The following KCNMA1 variants were observed in gnomAD, a reference collection of about 807,000 sequenced individuals.
KCNMA1 encodes the protein Calcium-activated potassium channel subunit alpha-1.
KCNMA1 carries 29 observed loss-of-function variants against 140.0 expected under a neutral mutation model. The ratio of observed to expected loss-of-function variants is 0.21; its 90% confidence interval spans 0.15 to 0.28. The LOEUF (loss-of-function observed/expected upper bound fraction) is 0.28, where lower values mean the gene tolerates loss of function less well. Among genes scored for constraint, KCNMA1 ranks in the 10% least tolerant of loss-of-function variants. The probability of loss-of-function intolerance (pLI) is 1.00; values close to 1 mark genes in which losing one functional copy is unlikely to be tolerated. For synonymous variants in KCNMA1, 612 were observed against 611.9 expected, an observed-to-expected ratio of 1.00 and a Z score of 0.00; for missense variants, 880 against 1,602.2, an observed-to-expected ratio of 0.55 and a Z score of 7.70.
At position 77,305,595 on chromosome 10, in the gene KCNMA1, G is replaced by A. The variant is rs145001291; in HGVS notation, c.541-54339C>T. On this transcript the variant is annotated intron_variant, in intron 2 of 27. Transcript: ENST00000286628. ...AGACCCACATAGTCACCTAGCTTAC[G>A]GAAAGGACAGGCCTGAAGACTAGGG... Among the ~76,000 whole-genome samples the A allele has an allele frequency of 3.5e-3, 529 of 152,228 alleles. 4 individuals carry two copies. The highest frequency in any genetic ancestry group is 0.012 in the African/African-American group (504 of 41,516).
chr10:77,635,388 C>A (rs1469755075), intron 1 of KCNMA1: 1 of 152,138 alleles, frequency 6.6e-6, no homozygotes, highest in Non-Finnish European at 1.5e-5. Flanking sequence ...TTGCCCCCTG[C>A]CTGAAAGAAA....
At chr10:77,451,311 G>C (rs71475659) in intron 1 of KCNMA1, among the ~76,000 whole-genome samples, 2 of 152,058 alleles carry the variant, frequency 1.3e-5, no homozygotes, top group African/African-American at 2.4e-5. Context: ...AAAGGCCATC[G>C]GGCAGATAAA....
chr10:77,233,372 A>G (rs1004931053), intron 3 of KCNMA1, among the ~76,000 whole-genome samples: 7 of 152,202 alleles, frequency 4.6e-5, no homozygotes, highest in African/African-American at 1.7e-4. Context: ...CTTGTGCAGT[A>G]CTCAGGGAGT....
chr10:76,959,258 T>C (rs1284596877), intron 20 of KCNMA1, among the ~76,000 whole-genome samples: 1 of 152,182 alleles, frequency 6.6e-6, no homozygotes. Context: ...ATTTGAGCAG[T>C]CTGACTTATA....
At chr10:77,174,701 G>A (rs2098737693) in intron 5 of KCNMA1, among the ~76,000 whole-genome samples, 1 of 152,202 alleles carries the variant, frequency 6.6e-6, no homozygotes, top group South Asian at 2.1e-4. Context: ...CAGAGCAGGA[G>A]AATCACTACA....
chr10:77,462,933 C>T (rs1164286788), intron 1 of KCNMA1, among the ~76,000 whole-genome samples: 1 of 152,144 alleles, frequency 6.6e-6, no homozygotes, highest in African/African-American at 2.4e-5. Context: ...GTTGCTGATC[C>T]ATGCCTCTGC....
chr10:77,182,168 G>A (rs1448260530), intron 5 of KCNMA1, among the ~76,000 whole-genome samples: 1 of 152,064 alleles, frequency 6.6e-6, no homozygotes, highest in East Asian at 1.9e-4. Context: ...TCCTCTTCCA[G>A]GAACCTGGAA....
At chr10:77,633,562 A>G (rs2093433917) in intron 1 of KCNMA1, among the ~76,000 whole-genome samples, 1 of 152,236 alleles carries the variant, frequency 6.6e-6, no homozygotes, top group Non-Finnish European at 1.5e-5. Context: ...CTGAAGCTCC[A>G]GCCCTGATTG....
chr10:77,415,698 C>A (rs1486965435), intron 1 of KCNMA1, among the ~76,000 whole-genome samples: 4 of 152,218 alleles, frequency 2.6e-5, no homozygotes, highest in Non-Finnish European at 4.4e-5. Flanking sequence ...ATCCAGCCCC[C>A]AAGGAGCCTC....
chr10:76,899,483 C>T (rs1439860473), intron 25 of KCNMA1, among the ~76,000 whole-genome samples: 1 of 152,160 alleles, frequency 6.6e-6, no homozygotes, highest in Non-Finnish European at 1.5e-5. Context: ...CCAAATCTTG[C>T]TCTGCCATCC....
intron 1 of KCNMA1, among the ~76,000 whole-genome samples, chr10:77,439,835 G>C (rs868584206): frequency 6.6e-6 from 1 of 150,966 alleles, no homozygotes; most frequent in African/African-American, 2.5e-5. Context: ...ACACCTCAAG[G>C]GGATACCATG....
chr10:76,905,852 A>T (rs182383525), intron 25 of KCNMA1, among the ~76,000 whole-genome samples: 1 of 152,358 alleles, frequency 6.6e-6, no homozygotes, highest in East Asian at 1.9e-4. Context: ...TCTTTTTTAC[A>T]ACTGAATCCG....
intron 2 of KCNMA1, among the ~76,000 whole-genome samples, chr10:77,288,582 T>C (rs182988159): frequency 1.3e-5 from 2 of 152,266 alleles, no homozygotes; most frequent in Admixed American, 1.3e-4. Flanking sequence ...ATTTTACCAG[T>C]GGGGTAACCA....
intron 1 of KCNMA1, among the ~76,000 whole-genome samples, chr10:77,413,636 C>T (rs925834095): frequency 2.0e-5 from 3 of 152,104 alleles, no homozygotes; most frequent in African/African-American, 7.2e-5. Flanking sequence ...CCAGGTCTTT[C>T]CTAGAGCTGG....
At chr10:76,903,353 C>T (rs2152237542) in intron 25 of KCNMA1, 1 of 152,330 alleles carries the variant, frequency 6.6e-6, no homozygotes, top group African/African-American at 2.4e-5. Context: ...TTTATAATTG[C>T]TCTAAAATTG....
chr10:77,123,973 C>A (rs2097681786), intron 5 of KCNMA1, among the ~76,000 whole-genome samples: 1 of 152,092 alleles, frequency 6.6e-6, no homozygotes, highest in South Asian at 2.1e-4. Flanking sequence ...CCAGATGGAA[C>A]CAAGCAGGAC....
chr10:76,900,978 T>C (rs149688174), intron 25 of KCNMA1, among the ~76,000 whole-genome samples: 1 of 151,908 alleles, frequency 6.6e-6, no homozygotes, highest in South Asian at 2.1e-4. Context: ...TAATTTTTAT[T>C]ACAGGATTAA....
At chr10:77,068,118 G>C (rs892642893) in intron 14 of KCNMA1, among the ~76,000 whole-genome samples, 15 of 152,162 alleles carry the variant, frequency 9.9e-5, no homozygotes, top group Admixed American at 7.2e-4. Context: ...CCGCATGCAG[G>C]TTGTTGAAAT....
At chr10:77,566,729 G>T (rs1186129142) in intron 1 of KCNMA1, among the ~76,000 whole-genome samples, 1 of 152,204 alleles carries the variant, frequency 6.6e-6, no homozygotes, top group Non-Finnish European at 1.5e-5. Context: ...TGTGTCCAGA[G>T]TTGTTCCGGG....
Sources: allele counts gnomAD v4.1 joint callset (sites outside exome capture counted in the v4.1 genomes callset), GRCh38; gene constraint gnomAD v4.1.1; transcripts MANE v1.5; gene names NCBI Gene and HGNC (gene_info 2026-07-23, HGNC 2026-07-21).